SBK2: variants seen among roughly 807,000 people sequenced by gnomAD.
SBK2 encodes SH3 domain binding kinase family member 2, also known as serine/threonine-protein kinase SBK2.
Under a neutral mutation model 15.9 loss-of-function variants are expected in SBK2, and 18 were observed. The observed-to-expected ratio is 1.13, with a 90% CI of 0.78 to 1.68. The LOEUF (loss-of-function observed/expected upper bound fraction) is 1.68. SBK2 is among the 40% of genes most tolerant of loss of function. The pLI is 0.00. For missense variants in SBK2, 581 were observed against 510.9 expected (o/e 1.14, Z -1.32); for synonymous variants, 284 against 246.8 (o/e 1.15, Z -1.41).
At position 55,530,128 on chromosome 19, in the gene SBK2, C is replaced by A. The variant is rs935026083; in HGVS notation, c.652G>T (p.Gly218Trp). Reference protein sequence around the residue: ...RPRGTLLRLAGPPIPYTAPEL... With the variant: ...RPRGTLLRLAWPPIPYTAPEL... ...GGGGCCGTGTAGGGGATGGGCGGCCCGGCCAGGCGCAGCAGCGTCCCGCGA... is the reference window on the plus strand; with the variant it reads ...GGGGCCGTGTAGGGGATGGGCGGCCAGGCCAGGCGCAGCAGCGTCCCGCGA... The change falls in exon 4 of 4, where the codon GGG (glycine) becomes TGG (tryptophan). Residue 218 changes from glycine to tryptophan, a missense_variant. Gly to Trp is a radical substitution (Grantham distance 184). Coordinates refer to ENST00000413299, the MANE Select transcript of SBK2 (RefSeq NM_001370096.2). 15 of 1,463,872 alleles carry A rather than the reference C, an allele frequency of 1.0e-5. No homozygotes were observed. The highest frequency in any genetic ancestry group is 1.5e-5 in the African/African-American group (1 of 67,828). 90.7% of individuals were successfully genotyped at this position (1,463,872 alleles called of 1,614,324 possible).
Position 55,531,137 on chromosome 19 carries a change from A to G in SBK2, c.456+6T>C. 6.2e-7 allele frequency: 1 copy of G among 1,609,112 alleles called. No individual in the cohort carries two copies. On this transcript the variant is annotated splice_donor_region_variant and intron_variant, in intron 3 of 3. Transcript: ENST00000413299. ...CTCGGAGGCGGCCTGGGGTCTGCCTACGCACCTTGGGCTGGATGAAGGCCA... is the reference window on the plus strand; with the variant it reads ...CTCGGAGGCGGCCTGGGGTCTGCCTGCGCACCTTGGGCTGGATGAAGGCCA...
chr19:55,529,598 A>G lies in SBK2; in HGVS notation c.*135T>C. On this transcript the variant is annotated 3_prime_UTR_variant, in exon 4 of 4. Transcript: ENST00000413299. ...ACCAAGGGAGGAATGCAGCCTGCAGAGAGGAGAGAGGAGGAGGACGCCGAG... is the reference window on the plus strand; with the variant it reads ...ACCAAGGGAGGAATGCAGCCTGCAGGGAGGAGAGAGGAGGAGGACGCCGAG... 5.1e-6 allele frequency: 4 copies of G among 783,844 alleles called. No homozygotes were observed. The highest frequency in any genetic ancestry group is 6.7e-6 in the Non-Finnish European group (4 of 594,798). 48.6% of individuals were successfully genotyped at this position (783,844 alleles called of 1,614,324 possible). A position where few individuals can be genotyped will look rare whatever the true frequency, so the allele number is the denominator to read the frequency against.
In SBK2 at chr19:55,536,229, CTCCTCCTCGCTG is replaced by C; in HGVS notation, c.54_65del (p.Asp18_Glu21del). On this transcript the variant is annotated inframe_deletion, in exon 2 of 4. Transcript: ENST00000413299. ...CCTCTAATGTCAGGCCGCCCAGACC[CTCCTCCTCGCTG>C]TCCTCCGAAGCCCCTGCCTCCGCCG... 6.2e-7 allele frequency: 1 copy of C among 1,604,796 alleles called. No individual in the cohort carries two copies. Among genetic ancestry groups the C allele is most frequent in the South Asian group, 1.1e-5 (1 of 89,448 alleles).
Position 55,530,216 on chromosome 19 carries a change from G to T in SBK2, c.564C>A (p.Asn188Lys). The T allele has an allele frequency of 6.5e-7, 1 of 1,535,462 alleles. No homozygotes were observed. Among genetic ancestry groups the T allele is most frequent in the East Asian group, 2.5e-5 (1 of 39,902 alleles). ...GLVYRDLKPE[N>K]VLVCDPACRR... ...GGCAGGCCGGGTCGCACACCAGGACGTTCTCCGGCTTCAGGTCCCGGTACA... is the reference window on the plus strand; with the variant it reads ...GGCAGGCCGGGTCGCACACCAGGACTTTCTCCGGCTTCAGGTCCCGGTACA... Residue 188 changes from asparagine (N) to lysine (K), a missense_variant, in exon 4 of 4, where the codon AAC becomes AAA. Transcript: ENST00000413299.
At position 55,528,732 on chromosome 19, in the gene SBK2, G is replaced by A. The variant is rs577672228; in HGVS notation, c.*1001C>T. ...GCCGGAGAGAAGGAGAGAGGACGGC[G>A]GGAGGACAGGGACGGAGGGGAGGCT... On this transcript the variant is annotated 3_prime_UTR_variant, in exon 4 of 4. Transcript: ENST00000413299. Among the ~76,000 whole-genome samples the A allele has an allele frequency of 1.8e-3, 267 of 152,270 alleles. No individual in the cohort carries two copies. The highest frequency in any genetic ancestry group is 2.9e-3 in the Non-Finnish European group (196 of 68,030).
rs1268329814 is a variant in SBK2 at position 55,529,394 on chromosome 19, T to G, written c.*339A>C. Among the ~76,000 whole-genome samples the G allele has an allele frequency of 6.6e-6, 1 of 151,800 alleles. No individual in the cohort carries two copies. Among genetic ancestry groups the G allele is most frequent in the Non-Finnish European group, 1.5e-5 (1 of 67,966 alleles). ...CTGGGAGACAGAGCGAGACCCTGTCTCAAAAAAAATAAAAATGCGAGGGGT... is the reference window on the plus strand; with the variant it reads ...CTGGGAGACAGAGCGAGACCCTGTCGCAAAAAAAATAAAAATGCGAGGGGT... On this transcript the variant is annotated 3_prime_UTR_variant, in exon 4 of 4. Transcript: ENST00000413299.
chr19:55,530,373 CCGAGA>C, intron 3 of SBK2, 50 bp from the exon 4 acceptor site: 1 of 1,388,272 alleles, frequency 7.2e-7, no homozygotes, highest in Non-Finnish European at 9.3e-7. Flanking sequence ...CGGAAGGCAA[CCGAGA>C]CCCAGGAAGC....
Position 55,536,246 on chromosome 19 carries a change from C to T in SBK2, c.49G>A (p.Glu17Lys). Reference protein sequence around the residue: ...EEGPAEAGASEDSEEEGLGGL... With the variant: ...EEGPAEAGASKDSEEEGLGGL... ...CCCAGACCCTCCTCCTCGCTGTCCT[C>T]CGAAGCCCCTGCCTCCGCCGGCCCT... Residue 17 changes from glutamate to lysine, a missense_variant, in exon 2 of 4, where the codon GAG becomes AAG. Glu to Lys is a moderately conservative substitution (Grantham distance 56, BLOSUM62 1). Transcript: ENST00000413299. 5 of 1,595,830 alleles carry T rather than the reference C, an allele frequency of 3.1e-6. No homozygotes were observed. Among genetic ancestry groups the T allele is most frequent in the Non-Finnish European group, 3.4e-6 (4 of 1,174,010 alleles).
At chr19:55,536,328 G>A in intron 1 of SBK2, 32 bp from the exon 2 acceptor site, 1 of 1,426,212 alleles carries the variant, frequency 7.0e-7, no homozygotes, top group Non-Finnish European at 9.1e-7. Flanking sequence ...CCCAGGCTCA[G>A]GTCCCAGGCC....
At position 55,529,841 on chromosome 19, in the gene SBK2, T is replaced by C. The variant is rs763425129; in HGVS notation, c.939A>G (p.Arg313=). ...LLRGLLDPHP[R]RRSAVIAIRE... ...TGATGGCGATCACAGCGCTCCTCCT[T>C]CGGGGGTGAGGGTCCAGCAGCCCCC... The change falls in exon 4 of 4, where the codon CGA becomes CGG. Residue 313 remains arginine, a synonymous_variant. Transcript: ENST00000413299. 22 of 1,603,280 alleles carry C rather than the reference T, an allele frequency of 1.4e-5. No homozygotes were observed. The South Asian group carries it at 2.4e-4, about 18-fold the overall frequency.
rs1435654605 is a variant in SBK2 at position 55,529,919 on chromosome 19, C to T, written c.861G>A (p.Arg287=). The change falls in exon 4 of 4, where the codon CGG becomes CGA. Residue 287 remains arginine (R), a synonymous_variant. Coordinates refer to ENST00000413299, the MANE Select transcript of SBK2 (RefSeq NM_001370096.2). ...FLIWQASGQP[R]DRPQPWFGLA... ...GGCCGAACCAGGGCTGAGGGCGGTC[C>T]CGGGGCTGGCCCGACGCCTGCCAGA... 6.5e-7 allele frequency: 1 copy of T among 1,534,030 alleles called. No homozygotes were observed. Among genetic ancestry groups the T allele is most frequent in the East Asian group, 2.4e-5 (1 of 41,822 alleles).
chr19:55,531,135 C>T lies in SBK2; in HGVS notation c.456+8G>A. On this transcript the variant is annotated splice_region_variant and intron_variant, in intron 3 of 3. Transcript: ENST00000413299. ...CACTCGGAGGCGGCCTGGGGTCTGC[C>T]TACGCACCTTGGGCTGGATGAAGGC... is the stretch of plus-strand genomic sequence containing the variant. 2 of 1,608,872 alleles carry T rather than the reference C, an allele frequency of 1.2e-6. No individual in the cohort carries two copies. Among genetic ancestry groups the T allele is most frequent in the South Asian group, 1.1e-5 (1 of 91,080 alleles).
In SBK2 at chr19:55,529,214, C is replaced by T. The variant is rs1047671448; in HGVS notation, c.*519G>A. 2.0e-5 allele frequency among the ~76,000 whole-genome samples: 3 copies of T among 150,088 alleles called. No individual in the cohort carries two copies. The highest frequency in any genetic ancestry group is 4.4e-5 in the Non-Finnish European group (3 of 67,710). ...GTTGACACCCACCTGGGCAACATAG[C>T]AAGACCCCTCCATCTCTAAAAAAAG... On this transcript the variant is annotated 3_prime_UTR_variant, in exon 4 of 4. Coordinates refer to ENST00000413299, the MANE Select transcript of SBK2 (RefSeq NM_001370096.2).
At position 55,529,604 on chromosome 19, in the gene SBK2, GAGA is replaced by G; in HGVS notation, c.*126_*128del. The G allele has an allele frequency of 7.7e-7, 1 of 1,305,244 alleles. No homozygotes were observed. Among genetic ancestry groups the G allele is most frequent in the Non-Finnish European group, 1.0e-6 (1 of 979,300 alleles). The allele number at this position is 1,305,244 out of a possible 1,614,324, so 80.9% of individuals were successfully genotyped here. On this transcript the variant is annotated 3_prime_UTR_variant, in exon 4 of 4. Coordinates refer to ENST00000413299, the MANE Select transcript of SBK2 (RefSeq NM_001370096.2). Reference sequence around the variant, plus strand: ...GGAGGAATGCAGCCTGCAGAGAGGAGAGAGGAGGAGGACGCCGAGGGGAATCCC... The same window carrying G: ...GGAGGAATGCAGCCTGCAGAGAGGAGGGAGGAGGACGCCGAGGGGAATCCC...
In SBK2 at chr19:55,534,434, C is replaced by T. The variant is rs141951125; in HGVS notation, c.253+1608G>A. 2.6e-3 allele frequency among the ~76,000 whole-genome samples: 399 copies of T among 152,194 alleles called. 1 individual carries two copies. The highest frequency in any genetic ancestry group is 9.2e-3 in the African/African-American group (384 of 41,520). ...AAACAGAGCTCTGTTGTTGGCCAGG[C>T]ACGGTGGCGCACACCTGTAATCCCA... On this transcript the variant is annotated intron_variant, in intron 2 of 3. Transcript: ENST00000413299.
chr19:55,532,921 G>A (rs753618815), intron 2 of SBK2, among the ~76,000 whole-genome samples: 2 of 152,090 alleles, frequency 1.3e-5, no homozygotes, highest in Non-Finnish European at 2.9e-5. Flanking sequence ...GCCTCCCAAA[G>A]TGCTGGGATT....
chr19:55,529,689 C>T lies in SBK2; in HGVS notation c.*44G>A. On this transcript the variant is annotated 3_prime_UTR_variant, in exon 4 of 4. Coordinates refer to ENST00000413299, the MANE Select transcript of SBK2 (RefSeq NM_001370096.2). ...CACCAAAAGCCGTTGGCCTTGGGGG[C>T]CTCGGGTGGGGCGGCTTCCCTTTCT... 2 of 1,581,720 alleles carry T rather than the reference C, an allele frequency of 1.3e-6. No homozygotes were observed. Among genetic ancestry groups the T allele is most frequent in the Non-Finnish European group, 8.5e-7 (1 of 1,171,614 alleles).
At chr19:55,536,576 A>G (rs1477442837) in intron 1 of SBK2, among the ~76,000 whole-genome samples, 4 of 151,944 alleles carry the variant, frequency 2.6e-5, no homozygotes, top group Admixed American at 2.6e-4. Flanking sequence ...CTTGTTTCCA[A>G]AGCAAACAGA....
In SBK2 at chr19:55,531,284, G is replaced by C. The variant is rs777311910; in HGVS notation, c.315C>G (p.Tyr105Ter). 5 of 1,613,538 alleles carry C rather than the reference G, an allele frequency of 3.1e-6. No individual in the cohort carries two copies. The highest frequency in any genetic ancestry group is 4.2e-6 in the Non-Finnish European group (5 of 1,179,888). The change falls in exon 3 of 4, where the codon TAC becomes TAG. Residue 105 changes from tyrosine to a stop codon, truncating the protein, a stop_gained. Coordinates refer to ENST00000413299, the MANE Select transcript of SBK2 (RefSeq NM_001370096.2). LOFTEE classifies it high-confidence loss of function. Reference sequence around the variant, plus strand: ...CCAGCGAGAGCCCCACACAGAACTCGTACAGGAAGCCACGGAGGGACGTGC... The same window carrying C: ...CCAGCGAGAGCCCCACACAGAACTCCTACAGGAAGCCACGGAGGGACGTGC... ...KPRTSLRGFL[Y>*]EFCVGLSLGA...
Sources: gnomAD v4.1 joint callset for allele counts (sites outside exome capture counted in the v4.1 genomes callset) on GRCh38, gnomAD v4.1.1 for gene constraint, MANE v1.5 for transcripts, NCBI Gene and HGNC (gene_info 2026-07-23, HGNC 2026-07-21) for gene names.